The following C2 variants were observed in gnomAD, a reference collection of about 807,000 sequenced individuals.
C2 encodes the protein complement C2, also known as C3/C5 convertase.
C2 carries 64 observed loss-of-function variants against 85.2 expected under a neutral mutation model. That is an observed-to-expected ratio of 0.75 (90% CI 0.61 to 0.92). The LOEUF is 0.92. C2 is among the 40% of genes least tolerant of loss of function. The probability of loss-of-function intolerance (pLI) is 0.00; values close to 1 mark genes in which losing one functional copy is unlikely to be tolerated. For synonymous variants in C2, 311 were observed against 370.8 expected, an observed-to-expected ratio of 0.84 and a Z score of 1.85; for missense variants, 820 against 971.6, an observed-to-expected ratio of 0.84 and a Z score of 2.07.
chr6:31,923,182 G>T (rs1342473529), upstream of C2, among the ~76,000 whole-genome samples: 2 of 152,214 alleles, frequency 1.3e-5, no homozygotes, highest in Non-Finnish European at 2.9e-5. Flanking sequence ...GGGAATAAAG[G>T]TCTGGCATCT....
At chr6:31,926,392 G>A (rs1769259625), upstream of C2, among the ~76,000 whole-genome samples, 1 of 151,758 alleles carries the variant, frequency 6.6e-6, no homozygotes, top group South Asian at 2.1e-4. Flanking sequence ...GAATGCAGTG[G>A]CATGATCTTG....
At chr6:31,918,381 G>T (rs1768707721), upstream of C2, among the ~76,000 whole-genome samples, 1 of 152,112 alleles carries the variant, frequency 6.6e-6, no homozygotes. Context: ...GAAGCTAGGA[G>T]TTTGAGGCCA....
At chr6:31,926,294 T>C (rs1274083269), upstream of C2, among the ~76,000 whole-genome samples, 1 of 151,134 alleles carries the variant, frequency 6.6e-6, no homozygotes, top group Non-Finnish European at 1.5e-5. Flanking sequence ...CTGATTTTCA[T>C]GCACTTAGCC....
chr6:31,944,523 A>G lies in C2; in HGVS notation c.1903-204A>G, dbSNP rs892860866. On this transcript the variant is annotated intron_variant, in intron 15 of 17. Coordinates refer to ENST00000299367, the MANE Select transcript of C2 (RefSeq NM_000063.6). The surrounding 1 kb of genome is among the most constrained non-coding windows in gnomAD (Gnocchi z 5.1). ...CAGCCTCCCGAGTAGCTGAGATTAC[A>G]GGTGCCCACCACCACACCAGCTAAT... Among the ~76,000 whole-genome samples the G allele has an allele frequency of 6.6e-6, 1 of 152,182 alleles. No homozygotes were observed. The highest frequency in any genetic ancestry group is 1.5e-5 in the Non-Finnish European group (1 of 68,038).
At chr6:31,929,751 C>T (rs1769577054) in intron 3 of C2, among the ~76,000 whole-genome samples, 2 of 139,210 alleles carry the variant, frequency 1.4e-5, no homozygotes, top group South Asian at 2.3e-4. Context: ...ATGCCAGCCT[C>T]GGTGCCTCAC....
intron 3 of C2, among the ~76,000 whole-genome samples, chr6:31,931,733 C>G (rs1000484025): frequency 2.6e-5 from 4 of 152,310 alleles, no homozygotes; most frequent in African/African-American, 9.6e-5. Context: ...TTCTATTCCA[C>G]AAAACCGTCA....
intron 7 of C2, 184 bp from the exon 8 acceptor site, chr6:31,937,135 G>C: frequency 1.6e-6 from 1 of 606,690 alleles, no homozygotes; most frequent in South Asian, 2.0e-5. Context: ...CTTGAACTGG[G>C]GAGGTGGAGG....
chr6:31,926,446 C>T (rs952024972), upstream of C2, among the ~76,000 whole-genome samples: 21 of 150,840 alleles, frequency 1.4e-4, no homozygotes, highest in Admixed American at 1.1e-3. Flanking sequence ...GATTCTCCTG[C>T]CTCAGCCTCC....
chr6:31,938,450 ATG>A lies in C2; in HGVS notation c.1130-779_1130-778del, dbSNP rs1311109795. Reference sequence around the variant, plus strand: ...TCAGTAAAAGTGTGTATATATATATATGTATGTATATATATATATATGTATAC... The same window carrying A: ...TCAGTAAAAGTGTGTATATATATATATATGTATATATATATATATGTATAC... On this transcript the variant is annotated intron_variant, in intron 8 of 17. Transcript: ENST00000299367. Among the ~76,000 whole-genome samples, 12 of 138,736 alleles carry A rather than the reference ATG, an allele frequency of 8.6e-5. No individual in the cohort carries two copies. The Middle Eastern group carries it at 0.011, about 129-fold the overall frequency. 91.0% of individuals were successfully genotyped at this position (138,736 alleles called of 152,430 possible). A position where few individuals can be genotyped will look rare whatever the true frequency, so the allele number is the denominator to read the frequency against.
In C2 at chr6:31,921,882, T is replaced by G. The variant is rs1374364985; in HGVS notation, c.-100+1856T>G. Among the ~76,000 whole-genome samples the G allele has an allele frequency of 1.3e-5, 2 of 151,850 alleles. No homozygotes were observed. Among genetic ancestry groups the G allele is most frequent in the Non-Finnish European group, 2.9e-5 (2 of 67,950 alleles). Reference sequence around the variant, plus strand: ...ATTCTGGAGGTGATCGCAAGAAACATGGGTAGTGGAGTGTGATAGAGAAGG... The same window carrying G: ...ATTCTGGAGGTGATCGCAAGAAACAGGGGTAGTGGAGTGTGATAGAGAAGG... On this transcript the variant is annotated intron_variant, in intron 1 of 3. Coordinates refer to the C2 transcript ENST00000413154. The surrounding 1 kb of genome is among the most constrained non-coding windows in gnomAD (Gnocchi z 4.6).
At chr6:31,903,322 G>C (rs1176930569) in intron 1 of C2, among the ~76,000 whole-genome samples, 1 of 152,196 alleles carries the variant, frequency 6.6e-6, no homozygotes, top group East Asian at 1.9e-4. Context: ...TGTGGGTTTT[G>C]TTTTGCAAAT....
chr6:31,922,973 A>T (rs1769064505), upstream of C2, among the ~76,000 whole-genome samples: 1 of 152,246 alleles, frequency 6.6e-6, no homozygotes, highest in Admixed American at 6.5e-5. This position sits in a 1 kb window ranked among gnomAD's most constrained non-coding sequence, Gnocchi z 4.8. Flanking sequence ...CCTAGAATTG[A>T]TAAGAAGAAA....
chr6:31,935,086 C>A lies in C2; in HGVS notation c.849+787C>A. The A allele has an allele frequency of 1.0e-6, 1 of 978,192 alleles. No homozygotes were observed. 60.6% of individuals were successfully genotyped at this position (978,192 alleles called of 1,614,324 possible). ...TTGGAAGCCACTGGTTTAAGTTCCTCGCCAGAACTTTGTTTTGTAATTGTG... is the reference window on the plus strand; with the variant it reads ...TTGGAAGCCACTGGTTTAAGTTCCTAGCCAGAACTTTGTTTTGTAATTGTG... On this transcript the variant is annotated intron_variant, in intron 6 of 17. Transcript: ENST00000299367. This position sits in a 1 kb window ranked among gnomAD's most constrained non-coding sequence, Gnocchi z 4.3.
At position 31,943,122 on chromosome 6, in the gene C2, G is replaced by A. The variant is rs751251656; in HGVS notation, c.1360+23G>A. The A allele has an allele frequency of 6.2e-6, 10 of 1,612,884 alleles. No homozygotes were observed. The South Asian group carries it at 6.6e-5, about 11-fold the overall frequency. Reference sequence around the variant, plus strand: ...TGGGTGAGTGAGCTTTGCCCTCCTTGGTGTGGGGAGGATGGTGAGGAGCCC... The same window carrying A: ...TGGGTGAGTGAGCTTTGCCCTCCTTAGTGTGGGGAGGATGGTGAGGAGCCC... On this transcript the variant is annotated intron_variant, in intron 10 of 17. Transcript: ENST00000299367. The surrounding 1 kb of genome is among the most constrained non-coding windows in gnomAD (Gnocchi z 6.4).
At chr6:31,941,353 T>A (rs546789803) in intron 9 of C2, 9 of 152,290 alleles carry the variant, frequency 5.9e-5, no homozygotes, top group Non-Finnish European at 1.0e-4. Flanking sequence ...AACCTTGGCT[T>A]GCGGCAGCAT....
At chr6:31,941,724 A>G (rs962027886) in intron 9 of C2, 3 of 149,728 alleles carry the variant, frequency 2.0e-5, no homozygotes, top group African/African-American at 7.4e-5. Context: ...CTGGTCTTAA[A>G]CTCCTGGCCT....
At chr6:31,900,451 C>T (rs779774458), upstream of C2, 1 of 1,574,188 alleles carries the variant, frequency 6.4e-7, no homozygotes, top group Non-Finnish European at 8.6e-7. This position sits in a 1 kb window ranked among gnomAD's most constrained non-coding sequence, Gnocchi z 9.7. Context: ...CCACGCTGGC[C>T]CGGCCTCCGG....
chr6:31,945,320 A>G lies in C2; in HGVS notation c.2222A>G (p.Gln741Arg). The G allele has an allele frequency of 1.9e-6, 3 of 1,613,012 alleles. No homozygotes were observed. Among genetic ancestry groups the G allele is most frequent in the Non-Finnish European group, 2.5e-6 (3 of 1,180,018 alleles). The stretch of plus-strand genomic sequence containing the variant: ...TTCCGCATGCAGCCCTGGCTGAGGC[A>G]GCACCTGGGGGATGTCCTGAATTTT... ...NLFRMQPWLR[Q>R]HLGDVLNFLP... Residue 741 changes from glutamine to arginine, a missense_variant, in exon 18 of 18, where the codon CAG (glutamine) becomes CGG (arginine). By Grantham distance (43) the Gln-to-Arg change is conservative. Transcript: ENST00000299367. The surrounding 1 kb of genome is among the most constrained non-coding windows in gnomAD (Gnocchi z 5.3).
At chr6:31,908,828 A>G (rs1049173944) in intron 1 of C2, among the ~76,000 whole-genome samples, 3 of 152,012 alleles carry the variant, frequency 2.0e-5, no homozygotes, top group African/African-American at 7.3e-5. Context: ...GTATTTTAAA[A>G]TTAAGGTTAC....
Sources: allele counts gnomAD v4.1 joint callset (sites outside exome capture counted in the v4.1 genomes callset), GRCh38; gene constraint gnomAD v4.1.1; non-coding constraint Gnocchi (gnomAD v3.1); transcripts MANE v1.5; gene names NCBI Gene and HGNC (gene_info 2026-07-23, HGNC 2026-07-21).